Variants in PTPN13 observed in about 807,000 individuals in gnomAD.
PTPN13 encodes the protein protein tyrosine phosphatase non-receptor type 13, also known as tyrosine-protein phosphatase non-receptor type 13.
Under a neutral mutation model 284.0 loss-of-function variants are expected in PTPN13, and 191 were observed. That is an observed-to-expected ratio of 0.67 (90% CI 0.60 to 0.76). PTPN13 has a LOEUF of 0.76. Among genes scored for constraint, PTPN13 ranks in the 30% least tolerant of loss-of-function variants. The pLI is 0.00. For missense variants in PTPN13, 2,797 were observed against 2,939.9 expected (o/e 0.95, Z 1.12); for synonymous variants, 986 against 1,022.3 (o/e 0.96, Z 0.68).
chr4:86,797,373 T>A (rs1391609328), intron 41 of PTPN13, among the ~76,000 whole-genome samples: 1 of 151,656 alleles, frequency 6.6e-6, no homozygotes, highest in African/African-American at 2.4e-5. Context: ...ATGCCTGTAA[T>A]CCCAGCTACT....
At chr4:86,728,387 C>A (rs1734529843) in intron 10 of PTPN13, among the ~76,000 whole-genome samples, 1 of 148,580 alleles carries the variant, frequency 6.7e-6, no homozygotes, top group South Asian at 2.1e-4. Context: ...CTTCTGTCTC[C>A]TTATCTGTCT....
intron 36 of PTPN13, among the ~76,000 whole-genome samples, chr4:86,781,325 ATAATT>A (rs1425565979): frequency 6.6e-6 from 1 of 152,176 alleles, no homozygotes; most frequent in Admixed American, 6.5e-5. Flanking sequence ...TCTTGAAAAT[ATAATT>A]TAATGAATGA....
chr4:86,650,632 C>A (rs1724978002), intron 2 of PTPN13, among the ~76,000 whole-genome samples: 1 of 152,138 alleles, frequency 6.6e-6, no homozygotes, highest in African/African-American at 2.4e-5. Context: ...TAGAGATCTT[C>A]TGCTTCTTTG....
chr4:86,785,429 A>AT, intron 39 of PTPN13, 61 bp downstream of exon 39: 6 of 1,430,122 alleles, frequency 4.2e-6, no homozygotes, highest in Non-Finnish European at 5.7e-6. Flanking sequence ...TCTAGGGAGC[A>AT]TTTTTTGAGT....
At chr4:86,646,550 A>G (rs1724450184) in intron 2 of PTPN13, among the ~76,000 whole-genome samples, 1 of 152,190 alleles carries the variant, frequency 6.6e-6, no homozygotes, top group Non-Finnish European at 1.5e-5. Flanking sequence ...GGCCTGCCGC[A>G]GCCTCCCAAA....
intron 10 of PTPN13, among the ~76,000 whole-genome samples, chr4:86,731,960 A>G (rs938421393): frequency 8.5e-5 from 13 of 152,204 alleles, no homozygotes; most frequent in African/African-American, 2.2e-4. Flanking sequence ...TTTAGGCTGA[A>G]TGTCGCTTTC....
chr4:86,748,793 C>T (rs545606336), intron 17 of PTPN13, among the ~76,000 whole-genome samples: 1 of 151,972 alleles, frequency 6.6e-6, no homozygotes, highest in South Asian at 2.1e-4. Flanking sequence ...GTAGCTGGGA[C>T]TACAGGCGCC....
intron 2 of PTPN13, among the ~76,000 whole-genome samples, chr4:86,636,489 A>G (rs1170595527): frequency 1.3e-5 from 2 of 152,234 alleles, no homozygotes; most frequent in African/African-American, 4.8e-5. Context: ...GAATGCATAC[A>G]TCAGACACAA....
chr4:86,744,141 A>G (rs1451875487), intron 16 of PTPN13, among the ~76,000 whole-genome samples: 1 of 152,170 alleles, frequency 6.6e-6, no homozygotes, highest in Non-Finnish European at 1.5e-5. Flanking sequence ...CTAAATATCA[A>G]TGTGTTTTAT....
At chr4:86,714,318 T>C (rs1352249730) in intron 7 of PTPN13, among the ~76,000 whole-genome samples, 6 of 152,174 alleles carry the variant, frequency 3.9e-5, no homozygotes, top group Admixed American at 2.0e-4. Flanking sequence ...CCTCTGTATT[T>C]TCACCTTTTC....
intron 46 of PTPN13, 126 bp from the exon 47 acceptor site, chr4:86,810,920 C>T: frequency 1.3e-6 from 1 of 781,776 alleles, no homozygotes; most frequent in South Asian, 2.6e-5. Flanking sequence ...GAGAGTTTCC[C>T]AAGACTACCA....
chr4:86,622,301 T>A (rs1721339753), intron 1 of PTPN13, among the ~76,000 whole-genome samples: 1 of 152,206 alleles, frequency 6.6e-6, no homozygotes, highest in Admixed American at 6.5e-5. Context: ...TTCTGCTAAT[T>A]TAATAAAGGC....
In PTPN13 at chr4:86,800,570, T is replaced by C. The variant is rs139981219; in HGVS notation, c.6505+1366T>C. ...GGGAGGCTGAGACAGGAGAATCGCT[T>C]GAACCCCAGAGGCAGAGGTTGCAAT... is the stretch of plus-strand genomic sequence containing the variant. On this transcript the variant is annotated intron_variant, in intron 42 of 47. Transcript: ENST00000411767. 2.2e-3 allele frequency among the ~76,000 whole-genome samples: 334 copies of C among 152,102 alleles called. 1 individual carries two copies. Among genetic ancestry groups the C allele is most frequent in the African/African-American group, 7.8e-3 (325 of 41,474 alleles).
At chr4:86,600,092 A>G (rs1187365716) in intron 1 of PTPN13, among the ~76,000 whole-genome samples, 2 of 152,146 alleles carry the variant, frequency 1.3e-5, no homozygotes, top group Non-Finnish European at 1.5e-5. Flanking sequence ...CTGTTTTATT[A>G]GTTTTAACAT....
At position 86,758,353 on chromosome 4, in the gene PTPN13, A is replaced by G. The variant is rs1294605633; in HGVS notation, c.3313+4A>G. On this transcript the variant is annotated splice_donor_region_variant and intron_variant, in intron 21 of 47. Coordinates refer to ENST00000411767, the MANE Select transcript of PTPN13 (RefSeq NM_080683.3). Reference sequence around the variant, plus strand: ...AAAGATGCAAAGTATGGCTTGGGTAAGTCACCGTGAGATTCTTGAAGGTCT... The same window carrying G: ...AAAGATGCAAAGTATGGCTTGGGTAGGTCACCGTGAGATTCTTGAAGGTCT... 1.3e-6 allele frequency: 2 copies of G among 1,589,714 alleles called. No individual in the cohort carries two copies. Among genetic ancestry groups the G allele is most frequent in the Admixed American group, 3.4e-5 (2 of 59,376 alleles).
intron 37 of PTPN13, 102 bp downstream of exon 37, chr4:86,782,364 C>A: frequency 9.1e-7 from 1 of 1,100,856 alleles, no homozygotes; most frequent in Non-Finnish European, 1.4e-6. Flanking sequence ...TATTTGTCTT[C>A]TTTAGATATT....
At position 86,732,771 on chromosome 4, in the gene PTPN13, C is replaced by G. The variant is rs374824213; in HGVS notation, c.1858+5C>G. The G allele has an allele frequency of 5.3e-5, 86 of 1,609,586 alleles. No homozygotes were observed. The highest frequency in any genetic ancestry group is 7.1e-5 in the Non-Finnish European group (84 of 1,177,362). ...TTGCTTTAGCTACCCTCAAAGGTAC[C>G]AAGACATTTTATATTCAGAGTACAG... On this transcript the variant is annotated splice_donor_5th_base_variant and intron_variant, in intron 12 of 47. Coordinates refer to ENST00000411767, the MANE Select transcript of PTPN13 (RefSeq NM_080683.3).
chr4:86,751,812 G>A (rs1387938310), intron 19 of PTPN13, among the ~76,000 whole-genome samples: 2 of 152,042 alleles, frequency 1.3e-5, no homozygotes, highest in African/African-American at 4.8e-5. Context: ...TAAAACCTTA[G>A]ATAATTTTAT....
At chr4:86,630,687 C>T (rs1038291) in intron 1 of PTPN13, among the ~76,000 whole-genome samples, 125,558 of 152,106 alleles carry the variant, frequency 0.83, 52,240 homozygotes, top group East Asian at 0.89. Flanking sequence ...CACAGAGCTC[C>T]ATTTTATAGC....
Sources: gnomAD v4.1 joint callset for allele counts (sites outside exome capture counted in the v4.1 genomes callset) on GRCh38, gnomAD v4.1.1 for gene constraint, MANE v1.5 for transcripts, NCBI Gene and HGNC (gene_info 2026-07-23, HGNC 2026-07-21) for gene names.